The following RAD51B variants were observed in gnomAD, a reference collection of about 807,000 sequenced individuals.
RAD51B encodes RAD51 paralog B, also known as DNA repair protein RAD51 homolog 2.
Under a neutral mutation model 42.2 loss-of-function variants are expected in RAD51B, and 38 were observed. That is an observed-to-expected ratio of 0.90 (90% CI 0.70 to 1.18). RAD51B has a LOEUF of 1.18. Among genes scored for constraint, RAD51B ranks in the 50% most tolerant of loss-of-function variants. The probability of loss-of-function intolerance (pLI) is 0.00; values close to 1 mark genes in which losing one functional copy is unlikely to be tolerated. For synonymous variants in RAD51B, 154 were observed against 145.2 expected, an observed-to-expected ratio of 1.06 and a Z score of -0.43; for missense variants, 373 against 400.7, an observed-to-expected ratio of 0.93 and a Z score of 0.59.
At chr14:68,441,741 C>T (rs4902588) in intron 9 of RAD51B, among the ~76,000 whole-genome samples, 129,433 of 152,140 alleles carry the variant, frequency 0.85, 55,349 homozygotes, top group East Asian at 0.97. Flanking sequence ...CACAGGTTCC[C>T]CTTCTATAAG....
At chr14:67,956,091 T>C (rs1477556836) in intron 7 of RAD51B, among the ~76,000 whole-genome samples, 1 of 152,220 alleles carries the variant, frequency 6.6e-6, no homozygotes, top group Non-Finnish European at 1.5e-5. Context: ...TTTTTAGTTT[T>C]CACTTGTTAT....
intron 8 of RAD51B, among the ~76,000 whole-genome samples, chr14:68,355,199 A>G (rs1181907251): frequency 6.6e-6 from 1 of 152,140 alleles, no homozygotes; most frequent in Non-Finnish European, 1.5e-5. Context: ...TATGTTGCCT[A>G]TTTTTTGGAG....
intron 7 of RAD51B, among the ~76,000 whole-genome samples, chr14:68,207,775 C>T (rs1017315429): frequency 2.0e-5 from 3 of 151,778 alleles, no homozygotes; most frequent in Non-Finnish European, 2.9e-5. Context: ...AATTGAAGAC[C>T]GAGACTGGGC....
intron 7 of RAD51B, among the ~76,000 whole-genome samples, chr14:68,152,723 C>CT (rs3072524): frequency 5.7e-4 from 83 of 146,766 alleles, no homozygotes; most frequent in Admixed American, 1.7e-3. Context: ...AGTACCCAAT[C>CT]TTTTTTTTTT....
At chr14:68,348,674 C>T (rs373931819) in intron 8 of RAD51B, among the ~76,000 whole-genome samples, 2 of 152,126 alleles carry the variant, frequency 1.3e-5, no homozygotes, top group African/African-American at 4.8e-5. Flanking sequence ...CCGAGGTGGG[C>T]GGATCATGAG....
chr14:68,308,835 C>T lies in RAD51B; in HGVS notation c.853+16855C>T, dbSNP rs554168389. 1.1e-4 allele frequency among the ~76,000 whole-genome samples: 16 copies of T among 152,090 alleles called. No homozygotes were observed. The East Asian group carries it at 3.1e-3, about 29-fold the overall frequency. ...GTCATCCTCAGCCTGAACAATGGAGCTTAATGTTCTCCATCTTCCTAAGAG... is the reference window on the plus strand; with the variant it reads ...GTCATCCTCAGCCTGAACAATGGAGTTTAATGTTCTCCATCTTCCTAAGAG... On this transcript the variant is annotated intron_variant, in intron 8 of 10. Coordinates refer to ENST00000471583, the MANE Select transcript of RAD51B (RefSeq NM_133510.4).
chr14:68,541,747 T>C, intron 10 of RAD51B: 1 of 985,418 alleles, frequency 1.0e-6, no homozygotes, highest in Non-Finnish European at 1.2e-6. Context: ...CAGCTGTTAG[T>C]ATTTAAAACT....
chr14:68,250,198 T>A (rs539939983), intron 7 of RAD51B, among the ~76,000 whole-genome samples: 2 of 152,388 alleles, frequency 1.3e-5, no homozygotes, highest in African/African-American at 4.8e-5. Flanking sequence ...TGTTTGTCAC[T>A]CCTTCTTCCT....
chr14:68,071,935 A>G (rs966985681), intron 7 of RAD51B, among the ~76,000 whole-genome samples: 2 of 148,198 alleles, frequency 1.3e-5, no homozygotes, highest in Non-Finnish European at 3.0e-5. Context: ...CAATTTTGGA[A>G]CTCATTATTG....
In RAD51B at chr14:68,113,377, C is replaced by T. The variant is rs980642337; in HGVS notation, c.757-178507C>T. Reference sequence around the variant, plus strand: ...TTATAATTTGCAAATCATAAAGTCACTAATATTTAAAGAAATGCACATTTT... The same window carrying T: ...TTATAATTTGCAAATCATAAAGTCATTAATATTTAAAGAAATGCACATTTT... On this transcript the variant is annotated intron_variant, in intron 7 of 10. Coordinates refer to ENST00000471583, the MANE Select transcript of RAD51B (RefSeq NM_133510.4). Among the ~76,000 whole-genome samples the T allele has an allele frequency of 3.3e-5, 5 of 152,088 alleles. No individual in the cohort carries two copies. The East Asian group carries it at 9.6e-4, about 29-fold the overall frequency.
At chr14:68,472,972 C>T (rs981218601) in intron 10 of RAD51B, among the ~76,000 whole-genome samples, 2 of 152,182 alleles carry the variant, frequency 1.3e-5, no homozygotes, top group Non-Finnish European at 2.9e-5. Flanking sequence ...TTGTCACAAA[C>T]TTGCGTTAAG....
At chr14:68,135,899 C>T (rs912246712) in intron 7 of RAD51B, among the ~76,000 whole-genome samples, 1 of 152,160 alleles carries the variant, frequency 6.6e-6, no homozygotes, top group Non-Finnish European at 1.5e-5. Flanking sequence ...TTCCAAAGTC[C>T]ACCGTTCACC....
At position 68,604,716 on chromosome 14, in the gene RAD51B, C is replaced by A. The variant is rs992317818; in HGVS notation, c.1037-6290C>A. Among the ~76,000 whole-genome samples the A allele has an allele frequency of 3.3e-5, 5 of 152,322 alleles. No individual in the cohort carries two copies. The South Asian group carries it at 1.0e-3, about 32-fold the overall frequency. On this transcript the variant is annotated intron_variant, in intron 10 of 10. Transcript: ENST00000487861. ...GGAGAAATCTTAGTGCCCATGGGCC[C>A]TCCTCCTCACTGAGGAGCAGAGCAC...
downstream of RAD51B, among the ~76,000 whole-genome samples, chr14:68,596,212 C>T (rs1369865399): frequency 6.6e-6 from 1 of 152,090 alleles, no homozygotes. Flanking sequence ...ACAGTAACAG[C>T]TTTGGAAAGG....
At chr14:68,011,506 A>AAATG (rs2075683435) in intron 7 of RAD51B, among the ~76,000 whole-genome samples, 1 of 152,062 alleles carries the variant, frequency 6.6e-6, no homozygotes, top group Admixed American at 6.6e-5. Flanking sequence ...TGGGCATCTT[A>AAATG]CTTCAAATGA....
chr14:68,588,685 G>A lies in RAD51B; in HGVS notation c.1037-5800G>A, dbSNP rs528536883. On this transcript the variant is annotated intron_variant, in intron 10 of 10. Coordinates refer to the RAD51B transcript ENST00000487270. ...CTTGGCGGTTCCCCACAAGTGAGTA[G>A]TATCGAGTCTGGATTTCATTTCTTT... Among the ~76,000 whole-genome samples the A allele has an allele frequency of 4.6e-5, 7 of 152,338 alleles. No individual in the cohort carries two copies. The East Asian group carries it at 1.4e-3, about 29-fold the overall frequency.
intron 10 of RAD51B, among the ~76,000 whole-genome samples, chr14:68,489,422 C>T (rs1466304554): frequency 6.6e-6 from 1 of 152,138 alleles, no homozygotes; most frequent in African/African-American, 2.4e-5. Flanking sequence ...TTATTTAATG[C>T]ATGTAAGTAC....
intron 7 of RAD51B, among the ~76,000 whole-genome samples, chr14:67,922,966 C>T (rs1305154588): frequency 1.3e-5 from 2 of 152,212 alleles, no homozygotes; most frequent in Non-Finnish European, 2.9e-5. Context: ...GCTGGGATTA[C>T]AGGCATGGGC....
At chr14:67,974,962 A>G (rs1049233952) in intron 7 of RAD51B, among the ~76,000 whole-genome samples, 2 of 152,140 alleles carry the variant, frequency 1.3e-5, no homozygotes, top group African/African-American at 4.8e-5. Context: ...TTTGGTCTTC[A>G]GTGGTAGTGT....
Sources: allele counts gnomAD v4.1 joint callset (sites outside exome capture counted in the v4.1 genomes callset), GRCh38; gene constraint gnomAD v4.1.1; transcripts MANE v1.5; gene names NCBI Gene and HGNC (gene_info 2026-07-23, HGNC 2026-07-21).